RET: variants seen among roughly 807,000 people sequenced by gnomAD.
The protein encoded by RET is ret proto-oncogene.
A neutral mutation model predicts 118.3 loss-of-function variants in RET; 19 were observed. That is an observed-to-expected ratio of 0.16 (90% CI 0.11 to 0.24). The LOEUF is 0.24. RET is among the 10% of genes least tolerant of loss of function. The pLI, the probability that RET is intolerant of heterozygous loss-of-function variation, is 1.00. For synonymous variants in RET, 597 were observed against 644.1 expected (o/e 0.93, Z 1.11); for missense variants, 1,219 against 1,502.1 (o/e 0.81, Z 3.12).
intron 3 of RET, chr10:43,102,833 G>A (rs1346953432): frequency 4.7e-6 from 3 of 643,618 alleles, no homozygotes; most frequent in Non-Finnish European, 8.0e-6. Context: ...CAACGGGTTG[G>A]AATCTTGCCT....
intron 1 of RET, among the ~76,000 whole-genome samples, chr10:43,079,063 A>T (rs1230862353): frequency 1.3e-5 from 2 of 151,952 alleles, no homozygotes; most frequent in South Asian, 4.2e-4. Flanking sequence ...CTCCCCAACC[A>T]CCCCAAGGGG....
intron 17 of RET, among the ~76,000 whole-genome samples, chr10:43,124,370 G>T (rs926260689): frequency 1.3e-5 from 2 of 152,216 alleles, no homozygotes; most frequent in Non-Finnish European, 2.9e-5. Flanking sequence ...ACCTCCCTGG[G>T]CCCCCAGCTG....
rs535386549 is a variant in RET at position 43,106,904 on chromosome 10, C to T, written c.1063+333C>T. ...TGAGGCTTTCCTCCAGCCCCTGGCA[C>T]TCCATCGTTGCCCCTAAGGCGTCCC... On this transcript the variant is annotated intron_variant, in intron 5 of 19. Coordinates refer to ENST00000355710, the MANE Select transcript of RET (RefSeq NM_020975.6). This position sits in a 1 kb window ranked among gnomAD's most constrained non-coding sequence, Gnocchi z 5.1. Among the ~76,000 whole-genome samples the T allele has an allele frequency of 2.0e-5, 3 of 152,258 alleles. No homozygotes were observed. The highest frequency in any genetic ancestry group is 4.4e-5 in the Non-Finnish European group (3 of 68,042).
chr10:43,116,552 C>A (rs1554819132), intron 11 of RET, 32 bp from the exon 12 acceptor site: 2 of 1,613,484 alleles, frequency 1.2e-6, no homozygotes, highest in Admixed American at 1.7e-5. Context: ...CTTTTCCCCC[C>A]TCTTCTCCCC....
intron 17 of RET, among the ~76,000 whole-genome samples, chr10:43,124,324 G>A (rs187579736): frequency 9.2e-5 from 14 of 152,258 alleles, no homozygotes; most frequent in Admixed American, 5.2e-4. Flanking sequence ...CTGCTGGGGC[G>A]TGGAGGGGGC....
chr10:43,106,628 CTT>C lies in RET; in HGVS notation c.1063+58_1063+59del. The C allele has an allele frequency of 6.4e-7, 1 of 1,563,848 alleles. No individual in the cohort carries two copies. The highest frequency in any genetic ancestry group is 8.7e-7 in the Non-Finnish European group (1 of 1,145,254). On this transcript the variant is annotated intron_variant, in intron 5 of 19. Transcript: ENST00000355710. The surrounding 1 kb of genome is among the most constrained non-coding windows in gnomAD (Gnocchi z 5.1). ...GCCCCCAGGAAATGAGGTGCTCGCTCTTCATGGGCAAGCAGCACCCTACACAC... is the reference window on the plus strand; with the variant it reads ...GCCCCCAGGAAATGAGGTGCTCGCTCCATGGGCAAGCAGCACCCTACACAC...
chr10:43,100,807 C>G, intron 2 of RET, 85 bp downstream of exon 2: 1 of 1,405,778 alleles, frequency 7.1e-7, no homozygotes, highest in Non-Finnish European at 9.8e-7. Context: ...GACACTGAAG[C>G]TTGGCATGGC....
At chr10:43,116,453 C>T (rs1564497212) in intron 11 of RET, 131 bp from the exon 12 acceptor site, 1 of 1,175,076 alleles carries the variant, frequency 8.5e-7, no homozygotes, top group South Asian at 1.3e-5. Flanking sequence ...GCCGCTGGCT[C>T]AGATGACAGC....
chr10:43,110,982 C>A (rs552020825), intron 6 of RET, among the ~76,000 whole-genome samples: 1 of 152,034 alleles, frequency 6.6e-6, no homozygotes, highest in African/African-American at 2.4e-5. Context: ...GGAACAGGGG[C>A]AGCTGGTAAC....
At chr10:43,077,540 G>A (rs897290363) in intron 1 of RET, among the ~76,000 whole-genome samples, 1 of 150,292 alleles carries the variant, frequency 6.7e-6, no homozygotes, top group African/African-American at 2.4e-5. Flanking sequence ...TCGGGCCGGG[G>A]CTGGGCGGGT....
At position 43,128,676 on chromosome 10, in the gene RET, T is replaced by A. The variant is rs895106692; in HGVS notation, c.*407T>A. 1.3e-5 allele frequency: 5 copies of A among 393,476 alleles called. No homozygotes were observed. The highest frequency in any genetic ancestry group is 6.0e-5 in the African/African-American group (3 of 50,010). 24.4% of individuals were successfully genotyped at this position (393,476 alleles called of 1,614,324 possible). On this transcript the variant is annotated 3_prime_UTR_variant, in exon 20 of 20. Transcript: ENST00000355710. ...GTTGCCGCCAAACAAGGCAAAAAAA[T>A]TTAAACATGAAGCACACACACAAAA...
intron 1 of RET, among the ~76,000 whole-genome samples, chr10:43,082,120 G>A (rs1837198270): frequency 6.6e-6 from 1 of 152,300 alleles, no homozygotes; most frequent in South Asian, 2.1e-4. Context: ...AGGCCATGAA[G>A]CCTGTGGGTC....
rs767502292 is a variant in RET at position 43,112,890 on chromosome 10, C to T, written c.1686C>T (p.Thr562=). The stretch of plus-strand genomic sequence containing the variant: ...ACTTCTCCACCTGCTCTCCCAGCAC[C>T]AAGACCTGCCCCGACGGCCACTGCG... The part of the protein sequence containing the change: ...TRNFSTCSPS[T]KTCPDGHCDV... Residue 562 remains threonine (T), a synonymous_variant, in exon 9 of 20, where the codon ACC becomes ACT. Transcript: ENST00000355710. 17 of 1,614,114 alleles carry T rather than the reference C, an allele frequency of 1.1e-5. No homozygotes were observed. The highest frequency in any genetic ancestry group is 1.4e-5 in the Non-Finnish European group (17 of 1,180,006).
intron 12 of RET, among the ~76,000 whole-genome samples, chr10:43,117,920 A>G (rs531650212): frequency 1.3e-5 from 2 of 152,316 alleles, no homozygotes; most frequent in East Asian, 3.9e-4. Context: ...TGGCCATCTC[A>G]GACAGGAGCG....
intron 1 of RET, among the ~76,000 whole-genome samples, chr10:43,092,163 GA>G (rs944842351): frequency 6.6e-6 from 1 of 152,048 alleles, no homozygotes; most frequent in African/African-American, 2.4e-5. Flanking sequence ...CTTTAAAAAG[GA>G]AAAAAAATTT....
At chr10:43,116,108 GT>G (rs1330994108) in intron 11 of RET, among the ~76,000 whole-genome samples, 2 of 152,244 alleles carry the variant, frequency 1.3e-5, no homozygotes, top group African/African-American at 4.8e-5. Flanking sequence ...GGGCAGGGTG[GT>G]AGTGCCAGCA....
chr10:43,089,568 G>T (rs1302723491), intron 1 of RET, among the ~76,000 whole-genome samples: 1 of 152,194 alleles, frequency 6.6e-6, no homozygotes, highest in Admixed American at 6.5e-5. Context: ...CGTTCTTTCT[G>T]TAGGACACAC....
At chr10:43,083,107 A>G (rs1837220411) in intron 1 of RET, among the ~76,000 whole-genome samples, 1 of 152,206 alleles carries the variant, frequency 6.6e-6, no homozygotes, top group African/African-American at 2.4e-5. Flanking sequence ...CACCCAGGGA[A>G]ACAACGGGGC....
chr10:43,116,752 C>G (rs1039292765), intron 12 of RET, 21 bp downstream of exon 12: 2 of 1,611,534 alleles, frequency 1.2e-6, no homozygotes, highest in Non-Finnish European at 1.7e-6. Context: ...GGCACAGGCA[C>G]AGTGCCCCTG....
Sources: allele counts gnomAD v4.1 joint callset (sites outside exome capture counted in the v4.1 genomes callset), GRCh38; gene constraint gnomAD v4.1.1; non-coding constraint Gnocchi (gnomAD v3.1); transcripts MANE v1.5; gene names NCBI Gene and HGNC (gene_info 2026-07-23, HGNC 2026-07-21).